MYO5A: variants seen among roughly 807,000 people sequenced by gnomAD.
The protein encoded by MYO5A is unconventional myosin-Va.
In MYO5A, 98 loss-of-function variants were observed where a neutral mutation model predicts 249.7. The observed-to-expected ratio is 0.39, with a 90% CI of 0.33 to 0.46. MYO5A has a LOEUF of 0.46. MYO5A is among the 20% of genes least tolerant of loss of function. The pLI, the probability that MYO5A is intolerant of heterozygous loss-of-function variation, is 0.98. For synonymous variants in MYO5A, 778 were observed against 810.6 expected (o/e 0.96, Z 0.68); for missense variants, 1,696 against 2,308.8 (o/e 0.73, Z 5.44).
intron 1 of MYO5A, among the ~76,000 whole-genome samples, chr15:52,500,719 T>A (rs1015656716): frequency 1.3e-5 from 2 of 152,066 alleles, no homozygotes; most frequent in Non-Finnish European, 2.9e-5. Context: ...TAGAAATTCT[T>A]TATGGATTTT....
At chr15:52,317,426 C>T (rs2038076235) in intron 39 of MYO5A, among the ~76,000 whole-genome samples, 1 of 151,978 alleles carries the variant, frequency 6.6e-6, no homozygotes, top group Non-Finnish European at 1.5e-5. Flanking sequence ...GACTAAATGA[C>T]AAGATAATGT....
chr15:52,335,260 C>T (rs1447668267), intron 34 of MYO5A, among the ~76,000 whole-genome samples: 1 of 152,102 alleles, frequency 6.6e-6, no homozygotes, highest in Non-Finnish European at 1.5e-5. Flanking sequence ...TGGCTCACGC[C>T]TATACCCAGC....
chr15:52,475,475 A>G (rs2076572188), intron 1 of MYO5A, among the ~76,000 whole-genome samples: 1 of 151,802 alleles, frequency 6.6e-6, no homozygotes, highest in South Asian at 2.1e-4. Flanking sequence ...TTTAATTGTG[A>G]TGTTAGGGTG....
At chr15:52,344,383 C>G (rs1330186266) in intron 30 of MYO5A, among the ~76,000 whole-genome samples, 1 of 152,150 alleles carries the variant, frequency 6.6e-6, no homozygotes, top group East Asian at 1.9e-4. Flanking sequence ...TGCATTTCCC[C>G]ACACTCCAGT....
intron 1 of MYO5A, among the ~76,000 whole-genome samples, chr15:52,434,629 T>G (rs900051966): frequency 3.9e-5 from 6 of 152,190 alleles, no homozygotes; most frequent in African/African-American, 1.4e-4. Context: ...AGCCAGAAGA[T>G]TATGTGGTCA....
chr15:52,410,478 TA>T lies in MYO5A; in HGVS notation c.613-3del. On this transcript the variant is annotated splice_region_variant and splice_polypyrimidine_tract_variant and intron_variant, in intron 5 of 41. Transcript: ENST00000399233. ...GGTTGTTTTAGCATTTCCAATGGACTAAAAAGCAAGGGAGAAAATAAGATTT... is the reference window on the plus strand; with the variant it reads ...GGTTGTTTTAGCATTTCCAATGGACTAAAAGCAAGGGAGAAAATAAGATTT... 2 of 1,611,402 alleles carry T rather than the reference TA, an allele frequency of 1.2e-6. No individual in the cohort carries two copies. Among genetic ancestry groups the T allele is most frequent in the Non-Finnish European group, 1.7e-6 (2 of 1,177,826 alleles).
chr15:52,336,486 G>A lies in MYO5A; in HGVS notation c.4385C>T (p.Ala1462Val). 6.2e-7 allele frequency: 1 copy of A among 1,604,388 alleles called. No individual in the cohort carries two copies. Among genetic ancestry groups the A allele is most frequent in the Non-Finnish European group, 8.5e-7 (1 of 1,173,786 alleles). The change falls in exon 34 of 42, where the codon GCC (alanine) becomes GTC (valine). Residue 1462 changes from alanine to valine, a missense_variant. By Grantham distance (64) the Ala-to-Val change is moderately conservative. Around this residue, in one of 5 missense-constraint regions of MYO5A, gnomAD observed 625 missense variants for 908.1 expected, o/e 0.69. Coordinates refer to ENST00000399233, the MANE Select transcript of MYO5A (RefSeq NM_001382347.1). ...RKLKKQLKVF[A>V]KKIGELEVGQ... ...ACCTTCTAGTTCGCCAATTTTTTTG[G>A]CAAATACTTTCAGTTGTTTTTTCAG...
intron 12 of MYO5A, among the ~76,000 whole-genome samples, chr15:52,390,560 C>CTTTT (rs548075503): frequency 3.3e-5 from 4 of 121,994 alleles, no homozygotes; most frequent in African/African-American, 6.2e-5. Flanking sequence ...TTTTTTTTTT[C>CTTTT]TTTTTTTTTT....
At chr15:52,493,627 A>T (rs2141548786) in intron 1 of MYO5A, among the ~76,000 whole-genome samples, 1 of 152,124 alleles carries the variant, frequency 6.6e-6, no homozygotes, top group Admixed American at 6.5e-5. Flanking sequence ...ATGCCATTGC[A>T]CTCCAGTCTG....
intron 1 of MYO5A, among the ~76,000 whole-genome samples, chr15:52,467,599 T>C (rs1474704668): frequency 6.6e-6 from 1 of 152,178 alleles, no homozygotes; most frequent in Non-Finnish European, 1.5e-5. Flanking sequence ...TGAAAACCTA[T>C]TTAAGGAAAT....
chr15:52,404,853 C>G (rs187805448), intron 9 of MYO5A, among the ~76,000 whole-genome samples: 1 of 152,142 alleles, frequency 6.6e-6, no homozygotes. Flanking sequence ...TCATGAAGGC[C>G]CTTTCATGTC....
At chr15:52,345,398 A>G (rs533877353) in intron 30 of MYO5A, among the ~76,000 whole-genome samples, 3 of 152,248 alleles carry the variant, frequency 2.0e-5, no homozygotes, top group African/African-American at 4.8e-5. Context: ...CCTGGCCAAC[A>G]TGGTGAAACC....
At chr15:52,500,976 CTT>C (rs939978585) in intron 1 of MYO5A, among the ~76,000 whole-genome samples, 2 of 146,516 alleles carry the variant, frequency 1.4e-5, no homozygotes, top group African/African-American at 2.5e-5. Context: ...AATCAGAAAA[CTT>C]TTTTTTTTTG....
chr15:52,334,448 C>T (rs1293502648), intron 34 of MYO5A, among the ~76,000 whole-genome samples: 2 of 152,042 alleles, frequency 1.3e-5, no homozygotes, highest in African/African-American at 4.8e-5. Context: ...GACATTATAG[C>T]TCATGTGTGT....
At chr15:52,442,410 A>G (rs140107234) in intron 1 of MYO5A, among the ~76,000 whole-genome samples, 1 of 152,308 alleles carries the variant, frequency 6.6e-6, no homozygotes, top group Non-Finnish European at 1.5e-5. Context: ...TTCTGGGTAG[A>G]GTCGAGAAGT....
At chr15:52,515,285 A>G (rs1332166028) in intron 1 of MYO5A, among the ~76,000 whole-genome samples, 1 of 109,348 alleles carries the variant, frequency 9.1e-6, no homozygotes, top group Admixed American at 1.1e-4. Context: ...TCAAGAAAAA[A>G]AAAAGAAAGA....
chr15:52,444,468 T>C (rs1197998975), intron 1 of MYO5A, among the ~76,000 whole-genome samples: 2 of 152,208 alleles, frequency 1.3e-5, no homozygotes, highest in Non-Finnish European at 1.5e-5. Context: ...ATTAAAGAAG[T>C]TCCTTATTCA....
At chr15:52,322,846 T>A (rs962255023) in intron 37 of MYO5A, among the ~76,000 whole-genome samples, 4 of 150,856 alleles carry the variant, frequency 2.7e-5, no homozygotes, top group Admixed American at 6.6e-5. Flanking sequence ...TTTTTTTTTT[T>A]AAACTTTAAG....
At position 52,331,544 on chromosome 15, in the gene MYO5A, C is replaced by A. The variant is rs535905043; in HGVS notation, c.4409-1045G>T. ...TTTGAGTTCTGAGATTGCTGTCAAA[C>A]AAAATGCAGATCAGATGCAAAAACA... On this transcript the variant is annotated intron_variant, in intron 34 of 41. Coordinates refer to ENST00000399233, the MANE Select transcript of MYO5A (RefSeq NM_001382347.1). Among the ~76,000 whole-genome samples the A allele has an allele frequency of 1.8e-4, 27 of 152,302 alleles. No individual in the cohort carries two copies. In the East Asian group the frequency reaches 4.2e-3, roughly 24 times the overall value.
Sources: allele counts gnomAD v4.1 joint callset (sites outside exome capture counted in the v4.1 genomes callset), GRCh38; gene constraint gnomAD v4.1.1; regional missense constraint gnomAD v4.1.1; transcripts MANE v1.5; gene names NCBI Gene and HGNC (gene_info 2026-07-23, HGNC 2026-07-21).